HTR1F: variants seen among roughly 807,000 people sequenced by gnomAD.
HTR1F encodes 5-hydroxytryptamine (serotonin) receptor 1F, G protein-coupled.
Under a neutral mutation model 24.0 loss-of-function variants are expected in HTR1F, and 17 were observed. The observed-to-expected ratio is 0.71, with a 90% CI of 0.48 to 1.06. The LOEUF is 1.06. HTR1F is among the 50% of genes least tolerant of loss of function. The pLI is 0.00. For synonymous variants in HTR1F, 186 were observed against 156.8 expected (o/e 1.19, Z -1.39); for missense variants, 391 against 427.8 (o/e 0.91, Z 0.76).
rs1214263797 is a variant in HTR1F, at chr3:87,872,364, AG to A, written c.-43+50241del. Among the ~76,000 whole-genome samples the A allele has an allele frequency of 6.6e-5, 10 of 152,146 alleles. No individual in the cohort carries two copies. The East Asian group carries it at 1.9e-3, about 29-fold the overall frequency. On this transcript the variant is annotated intron_variant, in intron 2 of 2. Coordinates refer to ENST00000319595, the MANE Select transcript of HTR1F (RefSeq NM_001322209.2). The stretch of plus-strand genomic sequence containing the variant: ...TATGCAAGCTTCTTGTTACTATGCA[AG>A]TAAGAAGAAAATAAGAACAAACTAA...
At chr3:87,946,905 A>T (rs778919800) in intron 2 of HTR1F, among the ~76,000 whole-genome samples, 1 of 152,108 alleles carries the variant, frequency 6.6e-6, no homozygotes, top group East Asian at 1.9e-4. Context: ...GATTACAGGC[A>T]TGAGCCACCA....
chr3:87,841,250 ATTAT>A (rs1364305776), intron 2 of HTR1F, among the ~76,000 whole-genome samples: 1 of 151,860 alleles, frequency 6.6e-6, no homozygotes, highest in African/African-American at 2.4e-5. Context: ...ATATGACAAA[ATTAT>A]TTGTCAATTA....
At chr3:87,898,082 G>A (rs1027107906) in intron 2 of HTR1F, among the ~76,000 whole-genome samples, 1 of 152,136 alleles carries the variant, frequency 6.6e-6, no homozygotes, top group East Asian at 1.9e-4. Flanking sequence ...ATAGATGCAT[G>A]TACAACTAGA....
chr3:87,954,776 T>C (rs1159190508), intron 2 of HTR1F, among the ~76,000 whole-genome samples: 2 of 151,640 alleles, frequency 1.3e-5, no homozygotes, highest in Non-Finnish European at 3.0e-5. Flanking sequence ...AGTAATAAAC[T>C]AAGTTATCAT....
chr3:87,938,097 A>T (rs1304319603), intron 2 of HTR1F, among the ~76,000 whole-genome samples: 1 of 152,166 alleles, frequency 6.6e-6, no homozygotes, highest in Non-Finnish European at 1.5e-5. Flanking sequence ...AAGTCTCAGT[A>T]CACAAAAATC....
intron 2 of HTR1F, among the ~76,000 whole-genome samples, chr3:87,936,742 T>A (rs1704429388): frequency 6.6e-6 from 1 of 152,128 alleles, no homozygotes; most frequent in South Asian, 2.1e-4. Flanking sequence ...GTTTGGGGAT[T>A]CAGGACAGCC....
At chr3:87,809,461 G>A (rs1704126229) in intron 1 of HTR1F, among the ~76,000 whole-genome samples, 1 of 151,848 alleles carries the variant, frequency 6.6e-6, no homozygotes, top group South Asian at 2.1e-4. Flanking sequence ...ATTACATTTT[G>A]TCTAGAAAAT....
intron 2 of HTR1F, among the ~76,000 whole-genome samples, chr3:87,932,379 G>A (rs932477192): frequency 3.3e-5 from 5 of 152,016 alleles, no homozygotes; most frequent in Non-Finnish European, 7.4e-5. Flanking sequence ...ATTTCTGAGG[G>A]ATCCATTCTG....
At position 87,857,878 on chromosome 3, in the gene HTR1F, T is replaced by C. The variant is rs1371462536; in HGVS notation, c.-43+35754T>C. On this transcript the variant is annotated intron_variant, in intron 2 of 2. Transcript: ENST00000319595. ...CTCTGGGGATTCGAGTATGGAACTT[T>C]TGGGGAGGTTTTATTCTGCCTACGG... Among the ~76,000 whole-genome samples the C allele has an allele frequency of 2.6e-5, 4 of 152,182 alleles. No individual in the cohort carries two copies. The East Asian group carries it at 7.7e-4, about 29-fold the overall frequency.
In HTR1F at chr3:87,822,736, T is replaced by C. The variant is rs184650337; in HGVS notation, c.-43+612T>C. 2.1e-4 allele frequency among the ~76,000 whole-genome samples: 32 copies of C among 152,330 alleles called. 1 individual carries two copies. The highest frequency in any genetic ancestry group is 6.7e-4 in the African/African-American group (28 of 41,574). ...GACCATTCATAGCTTATCCATGTGA[T>C]ACACAACCTGCACAAGCCATACGTG... On this transcript the variant is annotated intron_variant, in intron 2 of 2. Coordinates refer to ENST00000319595, the MANE Select transcript of HTR1F (RefSeq NM_001322209.2).
chr3:87,842,997 C>A (rs1447825448), intron 2 of HTR1F, among the ~76,000 whole-genome samples: 1 of 151,804 alleles, frequency 6.6e-6, no homozygotes, highest in Non-Finnish European at 1.5e-5. Flanking sequence ...AAAGGTTTCC[C>A]AGTTCGGACA....
intron 2 of HTR1F, among the ~76,000 whole-genome samples, chr3:87,913,914 T>A (rs1408613101): frequency 1.3e-5 from 2 of 152,096 alleles, no homozygotes; most frequent in Non-Finnish European, 2.9e-5. Flanking sequence ...CAGAGCAGCA[T>A]GTGGAGGCTC....
At chr3:87,894,633 T>C (rs1192269347) in intron 2 of HTR1F, among the ~76,000 whole-genome samples, 8 of 150,568 alleles carry the variant, frequency 5.3e-5, no homozygotes, top group Non-Finnish European at 4.4e-5. Flanking sequence ...CAGCCTCATT[T>C]TCAAAATAAA....
intron 2 of HTR1F, among the ~76,000 whole-genome samples, chr3:87,913,096 A>G (rs1703817052): frequency 6.6e-6 from 1 of 152,170 alleles, no homozygotes; most frequent in Non-Finnish European, 1.5e-5. Context: ...ATCGGACCTA[A>G]TTAAATTTAA....
chr3:87,876,575 G>C (rs377004382), intron 2 of HTR1F, among the ~76,000 whole-genome samples: 1 of 152,062 alleles, frequency 6.6e-6, no homozygotes, highest in Non-Finnish European at 1.5e-5. Context: ...AGTGAAATAA[G>C]CCAGTCACAA....
At chr3:87,808,502 C>CT (rs1308339288) in intron 1 of HTR1F, among the ~76,000 whole-genome samples, 1 of 150,842 alleles carries the variant, frequency 6.6e-6, no homozygotes, top group African/African-American at 2.4e-5. Context: ...GGCCTTCTTT[C>CT]TTTTATTTTT....
At chr3:87,944,560 GTAAT>G (rs1168479060) in intron 2 of HTR1F, among the ~76,000 whole-genome samples, 8 of 152,208 alleles carry the variant, frequency 5.3e-5, no homozygotes, top group African/African-American at 1.9e-4. Context: ...CCTTTGTATA[GTAAT>G]TAAGATTTAA....
chr3:87,827,755 CAT>C (rs1704494846), intron 2 of HTR1F, among the ~76,000 whole-genome samples: 1 of 152,212 alleles, frequency 6.6e-6, no homozygotes, highest in Non-Finnish European at 1.5e-5. Flanking sequence ...TGCCAAAAAA[CAT>C]AGCCCTATCA....
chr3:87,806,159 A>G (rs758389298), intron 1 of HTR1F, among the ~76,000 whole-genome samples: 2 of 152,054 alleles, frequency 1.3e-5, no homozygotes, highest in African/African-American at 2.4e-5. Context: ...TCATCCACTG[A>G]TGAACACTTA....
Sources: allele counts gnomAD v4.1 joint callset (sites outside exome capture counted in the v4.1 genomes callset), GRCh38; gene constraint gnomAD v4.1.1; transcripts MANE v1.5; gene names NCBI Gene and HGNC (gene_info 2026-07-23, HGNC 2026-07-21).